The following STXBP5L variants were observed in gnomAD, a reference collection of about 807,000 sequenced individuals.
STXBP5L encodes the protein syntaxin binding protein 5L, also known as syntaxin-binding protein 5-like.
STXBP5L carries 65 observed loss-of-function variants against 144.5 expected under a neutral mutation model. The ratio of observed to expected loss-of-function variants is 0.45; its 90% CI spans 0.37 to 0.55. The LOEUF is 0.55. STXBP5L is among the 20% of genes least tolerant of loss of function. STXBP5L has a pLI of 0.00. For synonymous variants in STXBP5L, 505 were observed against 469.6 expected (o/e 1.08, Z -0.97); for missense variants, 1,298 against 1,405.5 (o/e 0.92, Z 1.22).
At chr3:120,959,549 CAG>C (rs1451158240) in intron 3 of STXBP5L, among the ~76,000 whole-genome samples, 6 of 152,316 alleles carry the variant, frequency 3.9e-5, no homozygotes, top group African/African-American at 1.2e-4. Flanking sequence ...GGTACCAAAA[CAG>C]AGATATAGAC....
intron 3 of STXBP5L, among the ~76,000 whole-genome samples, chr3:121,003,962 A>G (rs530418530): frequency 2.6e-5 from 4 of 152,250 alleles, no homozygotes; most frequent in South Asian, 2.1e-4. Context: ...GCCTTGCAGT[A>G]TAGTTTGAAG....
chr3:121,211,977 C>CT (rs2048591328), intron 10 of STXBP5L, among the ~76,000 whole-genome samples: 2 of 152,030 alleles, frequency 1.3e-5, no homozygotes, highest in South Asian at 4.1e-4. Flanking sequence ...TGTTGATGAG[C>CT]TTTTTTTCAT....
At chr3:121,289,953 A>T (rs2051366801) in intron 19 of STXBP5L, among the ~76,000 whole-genome samples, 1 of 152,184 alleles carries the variant, frequency 6.6e-6, no homozygotes, top group Non-Finnish European at 1.5e-5. Context: ...TACATCAAAA[A>T]GTCTGAAAGA....
intron 3 of STXBP5L, among the ~76,000 whole-genome samples, chr3:120,974,665 T>C (rs1037532038): frequency 6.6e-6 from 1 of 152,240 alleles, no homozygotes; most frequent in Non-Finnish European, 1.5e-5. Flanking sequence ...CTAGGGTTTT[T>C]ATGGTTTTAG....
intron 3 of STXBP5L, among the ~76,000 whole-genome samples, chr3:120,989,286 A>C (rs761203851): frequency 6.6e-6 from 1 of 152,120 alleles, no homozygotes; most frequent in African/African-American, 2.4e-5. Context: ...GTGCATCCTC[A>C]TCAATATCTG....
chr3:121,228,879 A>C (rs1007416214), intron 11 of STXBP5L, among the ~76,000 whole-genome samples: 1 of 152,090 alleles, frequency 6.6e-6, no homozygotes, highest in African/African-American at 2.4e-5. Context: ...TCCGTCTCAG[A>C]AAAGAAAAGA....
chr3:121,366,501 T>G (rs1344609658), intron 20 of STXBP5L, among the ~76,000 whole-genome samples: 1 of 152,080 alleles, frequency 6.6e-6, no homozygotes, highest in Non-Finnish European at 1.5e-5. Context: ...AATGTCCTTC[T>G]TAGTCTCTTT....
chr3:121,283,088 A>G (rs2051114954), intron 19 of STXBP5L, among the ~76,000 whole-genome samples: 2 of 150,392 alleles, frequency 1.3e-5, no homozygotes, highest in Middle Eastern at 3.4e-3. Flanking sequence ...TGTTTATCAT[A>G]TGTTAATATA....
At chr3:121,119,529 G>A (rs183560298) in intron 6 of STXBP5L, among the ~76,000 whole-genome samples, 1 of 151,390 alleles carries the variant, frequency 6.6e-6, no homozygotes, top group East Asian at 1.9e-4. Flanking sequence ...TAGGGATACC[G>A]AGAAGAATTA....
intron 20 of STXBP5L, among the ~76,000 whole-genome samples, chr3:121,349,227 T>A (rs1208649003): frequency 1.3e-5 from 2 of 152,164 alleles, no homozygotes; most frequent in Non-Finnish European, 2.9e-5. Context: ...CCAGTAGTCA[T>A]TCAGGAGCAG....
chr3:121,302,458 C>T (rs554904286), intron 19 of STXBP5L, among the ~76,000 whole-genome samples: 46 of 152,030 alleles, frequency 3.0e-4, no homozygotes, highest in Admixed American at 1.2e-3. Flanking sequence ...GTCTTGCTAG[C>T]GGTCTATCAA....
chr3:120,923,583 T>A (rs1709461474), intron 2 of STXBP5L, among the ~76,000 whole-genome samples: 2 of 152,154 alleles, frequency 1.3e-5, no homozygotes, highest in Admixed American at 1.3e-4. Flanking sequence ...TCTTAATTTT[T>A]TTCATTGACT....
At chr3:120,913,238 T>C (rs1189312835) in intron 2 of STXBP5L, among the ~76,000 whole-genome samples, 1 of 151,976 alleles carries the variant, frequency 6.6e-6, no homozygotes, top group African/African-American at 2.4e-5. Flanking sequence ...CTTGTTTCCT[T>C]CTTATTGCTA....
intron 20 of STXBP5L, chr3:121,324,404 A>T (rs1414622968): frequency 1.0e-5 from 6 of 575,878 alleles, no homozygotes; most frequent in Non-Finnish European, 1.8e-5. Flanking sequence ...AATAGTTATT[A>T]TGAAATTCAG....
At position 121,018,286 on chromosome 3, in the gene STXBP5L, C is replaced by A. The variant is rs532281661; in HGVS notation, c.288-23414C>A. On this transcript the variant is annotated intron_variant, in intron 3 of 26. Coordinates refer to ENST00000471454, the MANE Select transcript of STXBP5L (RefSeq NM_001308330.2). The stretch of plus-strand genomic sequence containing the variant: ...TAACCAACACAATCTTGAAGGAGAG[C>A]AGTTGGGAGACTGTCATTACTGGAC... 3.7e-4 allele frequency among the ~76,000 whole-genome samples: 56 copies of A among 152,124 alleles called. 1 individual carries two copies. In the South Asian group the frequency reaches 0.011, roughly 31 times the overall value.
chr3:121,310,255 T>C (rs2043479082), intron 19 of STXBP5L, among the ~76,000 whole-genome samples: 1 of 152,208 alleles, frequency 6.6e-6, no homozygotes, highest in Non-Finnish European at 1.5e-5. Context: ...GAAATTACAA[T>C]AAAAATAATA....
chr3:121,397,430 T>A (rs996235859), intron 22 of STXBP5L, among the ~76,000 whole-genome samples: 7 of 152,228 alleles, frequency 4.6e-5, no homozygotes, highest in Non-Finnish European at 1.0e-4. Context: ...AATTGTTCAG[T>A]AACTAATTCC....
At chr3:121,416,078 C>G in intron 25 of STXBP5L, 110 bp downstream of exon 25, 2 of 774,206 alleles carry the variant, frequency 2.6e-6, no homozygotes, top group Non-Finnish European at 4.0e-6. Context: ...TTCTAGACTA[C>G]GTATTTTTTG....
At chr3:121,053,977 G>T (rs112304940) in intron 5 of STXBP5L, among the ~76,000 whole-genome samples, 2 of 151,754 alleles carry the variant, frequency 1.3e-5, no homozygotes, top group Non-Finnish European at 2.9e-5. Flanking sequence ...GCAGCCAAAA[G>T]ACACATGAAA....
Sources: gnomAD v4.1 joint callset for allele counts (sites outside exome capture counted in the v4.1 genomes callset) on GRCh38, gnomAD v4.1.1 for gene constraint, MANE v1.5 for transcripts, NCBI Gene and HGNC (gene_info 2026-07-23, HGNC 2026-07-21) for gene names.